Variants in CYP2J2 observed in about 807,000 individuals in gnomAD.
CYP2J2 encodes the protein cytochrome P450 family 2 subfamily J member 2.
Under a neutral mutation model 48.8 loss-of-function variants are expected in CYP2J2, and 41 were observed. That is an observed-to-expected ratio of 0.84 (90% CI 0.66 to 1.09). The LOEUF (loss-of-function observed/expected upper bound fraction) is 1.09, where lower values mean the gene tolerates loss of function less well. CYP2J2 is among the 50% of genes least tolerant of loss of function. The pLI is 0.00. For synonymous variants in CYP2J2, 221 were observed against 227.1 expected (o/e 0.97, Z 0.24); for missense variants, 644 against 617.3 (o/e 1.04, Z -0.46).
intron 1 of CYP2J2, among the ~76,000 whole-genome samples, chr1:59,924,965 A>G (rs985801804): frequency 1.3e-5 from 2 of 152,142 alleles, no homozygotes; most frequent in African/African-American, 4.8e-5. Context: ...AGAAATGCAT[A>G]TACCATGCAC....
the CYP2J2 span, among the ~76,000 whole-genome samples, chr1:59,933,051 A>G: frequency 2.0e-5 from 3 of 152,330 alleles, no homozygotes; most frequent in South Asian, 6.2e-4. Flanking sequence ...TAGCTTATTG[A>G]TAAGTGAAAT....
Position 59,893,613 on chromosome 1 carries a change from T to C in CYP2J2, c.*38A>G. 6.7e-7 allele frequency: 1 copy of C among 1,500,702 alleles called. No homozygotes were observed. The allele number at this position is 1,500,702 out of a possible 1,614,324, so 93.0% of individuals were successfully genotyped here. ...CAGTGGTTTCAGAACACGTGCCATG[T>C]CTTCTTACTTTCCTTGCCCCTTTCT... On this transcript the variant is annotated 3_prime_UTR_variant, in exon 9 of 9. Transcript: ENST00000371204.
Position 59,909,854 on chromosome 1 carries a change from T to G in CYP2J2, c.791A>C (p.Lys264Thr), listed in dbSNP as rs367966355. ...LKLFVSHMIDKHRKDWNPAET... is the reference protein window; with the variant it reads ...LKLFVSHMIDTHRKDWNPAET... ...TGCAGGATTCCAATCCTTTCTGTGT[T>G]TGTCAATCATATGAGAAACAAACAA... The change falls in exon 5 of 9, where the codon AAA (lysine) becomes ACA (threonine). Residue 264 changes from lysine to threonine, a missense_variant. By Grantham distance (78) the Lys-to-Thr change is moderately conservative (BLOSUM62 -1). Coordinates refer to ENST00000371204, the MANE Select transcript of CYP2J2 (RefSeq NM_000775.4). The G allele has an allele frequency of 2.5e-5, 40 of 1,612,744 alleles. No homozygotes were observed. The African/African-American group carries it at 4.0e-4, about 16-fold the overall frequency.
intron 1 of CYP2J2, among the ~76,000 whole-genome samples, chr1:59,922,061 G>A (rs550046182): frequency 6.6e-6 from 1 of 152,296 alleles, no homozygotes; most frequent in Non-Finnish European, 1.5e-5. Context: ...AGGTCCAGAA[G>A]GTCGTGACCC....
chr1:59,935,035 T>G, the CYP2J2 span, among the ~76,000 whole-genome samples: 1 of 93,420 alleles, frequency 1.1e-5, no homozygotes. Flanking sequence ...TATATATATA[T>G]ATATATATAT....
At chr1:59,960,480 A>C in the CYP2J2 span, among the ~76,000 whole-genome samples, 1 of 152,234 alleles carries the variant, frequency 6.6e-6, no homozygotes, top group Non-Finnish European at 1.5e-5. Context: ...TGTGTACAGG[A>C]GGCTTATCAG....
chr1:59,912,356 A>G, intron 2 of CYP2J2, 45 bp from the exon 3 acceptor site: 2 of 1,565,016 alleles, frequency 1.3e-6, no homozygotes, highest in Non-Finnish European at 8.7e-7. Context: ...ATTCCATAAT[A>G]TGAATATCCA....
At chr1:59,908,949 T>C (rs1049324751) in intron 5 of CYP2J2, among the ~76,000 whole-genome samples, 8 of 152,184 alleles carry the variant, frequency 5.3e-5, no homozygotes, top group African/African-American at 1.4e-4. Context: ...TTTACTTGTG[T>C]TCTCTATGAG....
intron 2 of CYP2J2, among the ~76,000 whole-genome samples, chr1:59,915,277 T>C (rs1644454602): frequency 6.6e-6 from 1 of 152,224 alleles, no homozygotes; most frequent in African/African-American, 2.4e-5. Context: ...TCTTTCTCTA[T>C]ACTTTGTCTC....
chr1:59,957,705 A>AC, the CYP2J2 span, among the ~76,000 whole-genome samples: 3 of 150,688 alleles, frequency 2.0e-5, no homozygotes, highest in Middle Eastern at 3.4e-3. Flanking sequence ...CACACACACC[A>AC]CACACACACA....
intron 5 of CYP2J2, among the ~76,000 whole-genome samples, chr1:59,908,727 C>G (rs985281824): frequency 2.0e-5 from 3 of 152,256 alleles, no homozygotes; most frequent in South Asian, 2.1e-4. Flanking sequence ...AGAAGTAGGA[C>G]CCAATTCCTG....
chr1:59,909,691 G>T, intron 5 of CYP2J2, 93 bp downstream of exon 5: 1 of 908,660 alleles, frequency 1.1e-6, no homozygotes, highest in Non-Finnish European at 1.6e-6. Context: ...TAGGCACCAA[G>T]TTTGTGATCA....
At chr1:59,939,104 C>G in the CYP2J2 span, among the ~76,000 whole-genome samples, 2 of 152,202 alleles carry the variant, frequency 1.3e-5, no homozygotes, top group African/African-American at 4.8e-5. Context: ...AATGGAATTT[C>G]TTATGTCTTC....
chr1:59,908,049 T>C, intron 5 of CYP2J2, 122 bp from the exon 6 acceptor site: 1 of 962,932 alleles, frequency 1.0e-6, no homozygotes, highest in Non-Finnish European at 1.6e-6. Flanking sequence ...AAGAAACAAT[T>C]TTCCCTTTGG....
chr1:59,967,242 G>C, the CYP2J2 span, among the ~76,000 whole-genome samples: 1 of 152,158 alleles, frequency 6.6e-6, no homozygotes, highest in South Asian at 2.1e-4. Flanking sequence ...TAATCACAAG[G>C]GGTTTATGCA....
the CYP2J2 span, among the ~76,000 whole-genome samples, chr1:59,957,161 TG>T: frequency 6.6e-6 from 1 of 152,142 alleles, no homozygotes; most frequent in Admixed American, 6.5e-5. Context: ...AGTTTTAGGA[TG>T]ATTTGTTCAA....
chr1:59,912,184 A>G lies in CYP2J2; in HGVS notation c.501T>C (p.Thr167=). 2.5e-6 allele frequency: 4 copies of G among 1,613,534 alleles called. No homozygotes were observed. The highest frequency in any genetic ancestry group is 3.4e-6 in the Non-Finnish European group (4 of 1,179,734). The part of the protein sequence containing the change: ...ERIQEEAQHL[T]EAIKEENGQP... ...CACCGTTCTCCTCTTTTATTGCTTC[A>G]GTGAGGTGTTGGGCCTCCTCCTGAA... The change falls in exon 3 of 9, where the codon ACT becomes ACC. Residue 167 remains threonine (T), a synonymous_variant. Coordinates refer to ENST00000371204, the MANE Select transcript of CYP2J2 (RefSeq NM_000775.4).
the CYP2J2 span, among the ~76,000 whole-genome samples, chr1:59,935,029 T>TACACAC: frequency 3.6e-4 from 36 of 100,908 alleles, 1 homozygote; most frequent in African/African-American, 9.2e-4. Flanking sequence ...TATATATATA[T>TACACAC]ATATATATAT....
the CYP2J2 span, among the ~76,000 whole-genome samples, chr1:59,948,990 C>T: frequency 6.6e-6 from 1 of 152,032 alleles, no homozygotes; most frequent in African/African-American, 2.4e-5. Context: ...ATGATTGTGC[C>T]TGTGAATGGT....
Sources: gnomAD v4.1 joint callset for allele counts (sites outside exome capture counted in the v4.1 genomes callset) on GRCh38, gnomAD v4.1.1 for gene constraint, MANE v1.5 for transcripts, NCBI Gene and HGNC (gene_info 2026-07-23, HGNC 2026-07-21) for gene names.